Variants in KLF8 observed in about 807,000 individuals in gnomAD.
The protein encoded by KLF8 is KLF transcription factor 8.
A neutral mutation model predicts 18.2 loss-of-function variants in KLF8; 10 were observed. The ratio of observed to expected loss-of-function variants is 0.55; its 90% CI spans 0.34 to 0.93. KLF8 has a LOEUF of 0.93. KLF8 is among the 40% of genes least tolerant of loss of function. KLF8 has a pLI of 0.02. For synonymous variants in KLF8, 109 were observed against 97.3 expected, an observed-to-expected ratio of 1.12 and a Z score of -0.71; for missense variants, 264 against 277.9, an observed-to-expected ratio of 0.95 and a Z score of 0.36.
chrX:56,220,705 C>G, the KLF8 span, among the ~76,000 whole-genome samples: 2 of 111,466 alleles, frequency 1.8e-5, no homozygotes, highest in East Asian at 5.6e-4. Context: ...CCAGGCTGAT[C>G]TCGAACTCCT....
chrX:55,934,185 G>A, the KLF8 span, among the ~76,000 whole-genome samples: 2 of 111,505 alleles, frequency 1.8e-5, no homozygotes, highest in East Asian at 2.8e-4. Context: ...TCTTTTGAGG[G>A]CAGAATCTAT....
chrX:56,048,334 C>T, the KLF8 span, among the ~76,000 whole-genome samples: 1,322 of 111,660 alleles, frequency 0.012, 19 homozygotes, highest in African/African-American at 0.041. Flanking sequence ...AGACATGAAG[C>T]CCTTGCCCAT....
chrX:56,048,628 T>C, the KLF8 span, among the ~76,000 whole-genome samples: 2 of 111,895 alleles, frequency 1.8e-5, no homozygotes, highest in Admixed American at 1.9e-4. Context: ...TTGGTCTATA[T>C]CTCTGTTTTG....
the KLF8 span, among the ~76,000 whole-genome samples, chrX:56,012,456 A>G: frequency 1.3e-4 from 15 of 112,340 alleles, no homozygotes; most frequent in Non-Finnish European, 2.6e-4. Flanking sequence ...CAAAATAATA[A>G]GAACCATTTA....
At chrX:55,963,696 CA>C in the KLF8 span, among the ~76,000 whole-genome samples, 1 of 112,041 alleles carries the variant, frequency 8.9e-6, no homozygotes. Flanking sequence ...ACACCACAAA[CA>C]GTGTTAAACA....
chrX:55,994,545 A>T, the KLF8 span, among the ~76,000 whole-genome samples: 1 of 104,347 alleles, frequency 9.6e-6, no homozygotes, highest in Non-Finnish European at 2.0e-5. Flanking sequence ...TAACTTTTGG[A>T]TGGGGGTGTT....
At chrX:56,110,235 C>T in the KLF8 span, among the ~76,000 whole-genome samples, 2 of 111,622 alleles carry the variant, frequency 1.8e-5, no homozygotes, top group African/African-American at 3.3e-5. Context: ...AGTAGTGCCA[C>T]TTCTTTTAAC....
chrX:56,209,394 G>T, the KLF8 span, among the ~76,000 whole-genome samples: 111 of 110,960 alleles, frequency 1.0e-3, no homozygotes, highest in Non-Finnish European at 1.5e-3. Flanking sequence ...CATGGGTCTC[G>T]TTTTTTCATT....
At position 56,291,294 on chromosome X, in the gene KLF8, C is replaced by T. The variant is rs976757397; in HGVS notation, c.*6800C>T. 9.0e-5 allele frequency among the ~76,000 whole-genome samples: 10 copies of T among 111,611 alleles called. No individual in the cohort carries two copies. The highest frequency in any genetic ancestry group is 1.9e-4 in the Admixed American group (2 of 10,438). On this transcript the variant is annotated 3_prime_UTR_variant, in exon 6 of 6. Transcript: ENST00000468660. The stretch of plus-strand genomic sequence containing the variant: ...CCTCTATTTTATACTAGTTCTTGCT[C>T]CAGAGGCATGGCTTTGAGGCTAGAA...
chrX:56,077,384 T>C, the KLF8 span, among the ~76,000 whole-genome samples: 1 of 112,176 alleles, frequency 8.9e-6, no homozygotes, highest in African/African-American at 3.2e-5. Context: ...CCCAGCACCA[T>C]TTATTAAATA....
the KLF8 span, among the ~76,000 whole-genome samples, chrX:56,189,619 C>A: frequency 4.5e-5 from 5 of 110,597 alleles, no homozygotes; most frequent in African/African-American, 1.3e-4. Flanking sequence ...TGGAACCAAG[C>A]CAAATGTCCA....
the KLF8 span, among the ~76,000 whole-genome samples, chrX:55,939,186 C>G: frequency 1.8e-5 from 2 of 112,000 alleles, no homozygotes; most frequent in African/African-American, 6.5e-5. Context: ...TCTCAGACCA[C>G]AGTGCAATCA....
the KLF8 span, among the ~76,000 whole-genome samples, chrX:56,070,285 A>G: frequency 9.0e-6 from 1 of 110,905 alleles, no homozygotes; most frequent in Non-Finnish European, 1.9e-5. Flanking sequence ...CATTTGGACA[A>G]ATACCTAATG....
the KLF8 span, among the ~76,000 whole-genome samples, chrX:56,067,076 T>A: frequency 9.2e-6 from 1 of 108,830 alleles, no homozygotes; most frequent in Non-Finnish European, 1.9e-5. Context: ...GTTTTCTGTC[T>A]TTTTTCTGTT....
the KLF8 span, among the ~76,000 whole-genome samples, chrX:55,973,727 T>G: frequency 8.9e-6 from 1 of 112,411 alleles, no homozygotes; most frequent in Non-Finnish European, 1.9e-5. Flanking sequence ...AAGGGAATGC[T>G]TATACACTGT....
At chrX:56,160,396 C>A in the KLF8 span, among the ~76,000 whole-genome samples, 4 of 111,544 alleles carry the variant, frequency 3.6e-5, no homozygotes, top group African/African-American at 1.3e-4. Flanking sequence ...CTGTAGATAT[C>A]TATTAGGTCC....
chrX:56,005,044 T>G, the KLF8 span, among the ~76,000 whole-genome samples: 3 of 107,787 alleles, frequency 2.8e-5, no homozygotes, highest in African/African-American at 6.7e-5. Flanking sequence ...TTATTATTAT[T>G]ATTATTATTA....
the KLF8 span, among the ~76,000 whole-genome samples, chrX:56,061,696 T>G: frequency 1.5e-4 from 17 of 111,382 alleles, no homozygotes; most frequent in South Asian, 1.1e-3. Flanking sequence ...GGTCCAGAGC[T>G]GAGTTCAAGT....
the KLF8 span, among the ~76,000 whole-genome samples, chrX:56,211,994 T>C: frequency 1.3e-4 from 15 of 111,294 alleles, no homozygotes; most frequent in Non-Finnish European, 1.1e-4. Context: ...TTGCTGCTGG[T>C]CATTCAGGGC....
Sources: gnomAD v4.1 joint callset for allele counts (sites outside exome capture counted in the v4.1 genomes callset) on GRCh38, gnomAD v4.1.1 for gene constraint, MANE v1.5 for transcripts, NCBI Gene and HGNC (gene_info 2026-07-23, HGNC 2026-07-21) for gene names.